The following CTNNA3 variants were observed in gnomAD, a reference collection of about 807,000 sequenced individuals.
CTNNA3 encodes catenin alpha-3.
CTNNA3 carries 76 observed loss-of-function variants against 95.7 expected under a neutral mutation model. That is an observed-to-expected ratio of 0.79 (90% CI 0.66 to 0.96). The LOEUF is 0.96. Ranked by LOEUF, CTNNA3 falls within the 40% of genes least tolerant of loss-of-function variation. CTNNA3 has a pLI of 0.00. For missense variants in CTNNA3, 1,191 were observed against 1,089.8 expected, an observed-to-expected ratio of 1.09 and a Z score of -1.31; for synonymous variants, 431 against 374.4, an observed-to-expected ratio of 1.15 and a Z score of -1.74.
intron 1 of CTNNA3, among the ~76,000 whole-genome samples, chr10:67,762,732 G>C (rs1428107308): frequency 6.6e-6 from 1 of 152,180 alleles, no homozygotes; most frequent in African/African-American, 2.4e-5. Flanking sequence ...GAAATCCACA[G>C]GCAGACAGCC....
At chr10:67,202,498 A>T (rs1863692696) in intron 6 of CTNNA3, among the ~76,000 whole-genome samples, 1 of 152,300 alleles carries the variant, frequency 6.6e-6, no homozygotes, top group South Asian at 2.1e-4. Context: ...ACTACCCTCC[A>T]TCTCTTGATA....
At chr10:66,474,109 G>A (rs1839235504) in intron 11 of CTNNA3, among the ~76,000 whole-genome samples, 1 of 152,034 alleles carries the variant, frequency 6.6e-6, no homozygotes, top group African/African-American at 2.4e-5. Flanking sequence ...TTTGAAATGT[G>A]CAATACAATA....
chr10:66,371,046 C>G (rs1025604896), intron 12 of CTNNA3, among the ~76,000 whole-genome samples: 2 of 152,064 alleles, frequency 1.3e-5, no homozygotes, highest in Admixed American at 1.3e-4. Context: ...TTAGAAAACA[C>G]TAGTCTATGC....
At chr10:67,251,851 TG>T (rs900291488) in intron 5 of CTNNA3, among the ~76,000 whole-genome samples, 3 of 152,078 alleles carry the variant, frequency 2.0e-5, no homozygotes, top group African/African-American at 4.8e-5. Flanking sequence ...CAGAGAGACA[TG>T]GTATCCAGCA....
In CTNNA3 at chr10:65,915,405, A is replaced by G. The variant is rs182630570; in HGVS notation, c.*4925T>C. 2.0e-5 allele frequency: 3 copies of G among 152,008 alleles called. No homozygotes were observed. The highest frequency in any genetic ancestry group is 7.2e-5 in the African/African-American group (3 of 41,464). 9.4% of individuals were successfully genotyped at this position (152,008 alleles called of 1,614,324 possible). On this transcript the variant is annotated 3_prime_UTR_variant, in exon 18 of 18. Coordinates refer to ENST00000433211, the MANE Select transcript of CTNNA3 (RefSeq NM_013266.4). ...AAACCAAAAAACTCTCCCCTCATCT[A>G]TGAAAGCTAAATGCTTCTGCAACTA...
intron 1 of CTNNA3, among the ~76,000 whole-genome samples, chr10:67,685,086 T>C (rs192893240): frequency 1.2e-3 from 176 of 152,310 alleles, no homozygotes; most frequent in African/African-American, 4.0e-3. Flanking sequence ...TTTGGGATTG[T>C]AGAGTAAGGA....
chr10:66,529,999 T>C (rs900029552), intron 10 of CTNNA3, among the ~76,000 whole-genome samples: 2 of 152,192 alleles, frequency 1.3e-5, no homozygotes, highest in African/African-American at 2.4e-5. Flanking sequence ...TTCTTCAGAT[T>C]TTAACATTTG....
chr10:66,683,393 T>C (rs1433380854), intron 9 of CTNNA3, among the ~76,000 whole-genome samples: 2 of 152,170 alleles, frequency 1.3e-5, no homozygotes, highest in Non-Finnish European at 2.9e-5. Context: ...ACTGATACTA[T>C]TACAAGTTGT....
chr10:67,290,133 C>A (rs143280580), intron 5 of CTNNA3, among the ~76,000 whole-genome samples: 46 of 152,202 alleles, frequency 3.0e-4, no homozygotes, highest in Middle Eastern at 3.4e-3. Flanking sequence ...TATTAGCAGT[C>A]TTTAGAACTG....
At chr10:66,495,130 A>G (rs1589332071) in intron 11 of CTNNA3, among the ~76,000 whole-genome samples, 1 of 152,312 alleles carries the variant, frequency 6.6e-6, no homozygotes, top group Admixed American at 6.5e-5. Flanking sequence ...TCTATTTATC[A>G]GTATATTAAC....
At chr10:67,734,010 TAAC>T in intron 1 of CTNNA3, among the ~76,000 whole-genome samples, 1 of 152,302 alleles carries the variant, frequency 6.6e-6, no homozygotes, top group South Asian at 2.1e-4. Flanking sequence ...TAAAGCCTCA[TAAC>T]AACCACGCTG....
chr10:66,778,384 A>G (rs1187961881), intron 7 of CTNNA3, among the ~76,000 whole-genome samples: 1 of 152,160 alleles, frequency 6.6e-6, no homozygotes, highest in Non-Finnish European at 1.5e-5. Context: ...ATGAGCTCGG[A>G]CTAAAGGTGA....
chr10:67,648,204 A>G (rs1171403988), intron 1 of CTNNA3, among the ~76,000 whole-genome samples: 1 of 152,192 alleles, frequency 6.6e-6, no homozygotes, highest in South Asian at 2.1e-4. Context: ...TTAAAAATCA[A>G]TTCAGTGAGA....
intron 6 of CTNNA3, among the ~76,000 whole-genome samples, chr10:67,193,578 G>C (rs564434370): frequency 6.6e-6 from 1 of 152,008 alleles, no homozygotes; most frequent in Admixed American, 6.6e-5. Context: ...ACTTATAAAT[G>C]AGAGAATGCA....
intron 1 of CTNNA3, among the ~76,000 whole-genome samples, chr10:67,742,381 C>T (rs1229215702): frequency 1.3e-5 from 2 of 151,246 alleles, no homozygotes; most frequent in Non-Finnish European, 3.0e-5. Context: ...GGAAACTGAA[C>T]AACCCGCTCC....
At chr10:66,809,579 G>T (rs945679183) in intron 7 of CTNNA3, among the ~76,000 whole-genome samples, 2 of 151,830 alleles carry the variant, frequency 1.3e-5, no homozygotes, top group Admixed American at 1.3e-4. Flanking sequence ...TCCAATATTT[G>T]CACAGCTTAT....
chr10:66,130,943 A>G (rs2083067041), intron 13 of CTNNA3, among the ~76,000 whole-genome samples: 2 of 151,978 alleles, frequency 1.3e-5, no homozygotes, highest in Non-Finnish European at 2.9e-5. Context: ...AAACTAGAAA[A>G]TCTAAAAGAA....
At chr10:66,097,883 A>G (rs1329016479) in intron 14 of CTNNA3, 2 of 152,128 alleles carry the variant, frequency 1.3e-5, no homozygotes, top group African/African-American at 4.8e-5. Flanking sequence ...GGCCAATGTG[A>G]TGAGACAATG....
chr10:65,940,737 AG>A (rs1383019925), intron 17 of CTNNA3, among the ~76,000 whole-genome samples: 1 of 152,170 alleles, frequency 6.6e-6, no homozygotes, highest in Non-Finnish European at 1.5e-5. Context: ...TCAGATTCCC[AG>A]TTAAATTTTG....
Sources: allele counts gnomAD v4.1 joint callset (sites outside exome capture counted in the v4.1 genomes callset), GRCh38; gene constraint gnomAD v4.1.1; transcripts MANE v1.5; gene names NCBI Gene and HGNC (gene_info 2026-07-23, HGNC 2026-07-21).